RAB38: variants seen among roughly 807,000 people sequenced by gnomAD.
The protein encoded by RAB38 is ras-related protein Rab-38.
Under a neutral mutation model 18.4 loss-of-function variants are expected in RAB38, and 15 were observed. That is an observed-to-expected ratio of 0.82 (90% CI 0.55 to 1.26). The LOEUF (loss-of-function observed/expected upper bound fraction) is 1.26, where lower values mean the gene tolerates loss of function less well. Ranked by LOEUF, RAB38 falls within the 50% of genes most tolerant of loss-of-function variation. The pLI is 0.00. For synonymous variants in RAB38, 101 were observed against 104.4 expected (o/e 0.97, Z 0.20); for missense variants, 294 against 267.4 (o/e 1.10, Z -0.69).
At chr11:88,071,355 ACT>A in the RAB38 span, among the ~76,000 whole-genome samples, 2 of 152,096 alleles carry the variant, frequency 1.3e-5, no homozygotes, top group African/African-American at 2.4e-5. Flanking sequence ...GGAATGGAAA[ACT>A]CTCATATGCA....
the RAB38 span, among the ~76,000 whole-genome samples, chr11:87,942,837 A>G: frequency 6.6e-6 from 1 of 152,192 alleles, no homozygotes; most frequent in African/African-American, 2.4e-5. Flanking sequence ...TGATTCTGTC[A>G]TAATCATTCT....
At chr11:87,952,322 G>T in the RAB38 span, among the ~76,000 whole-genome samples, 1 of 152,180 alleles carries the variant, frequency 6.6e-6, no homozygotes, top group Non-Finnish European at 1.5e-5. Context: ...AATGCAGCCA[G>T]CAGTAAATTT....
intron 2 of RAB38, among the ~76,000 whole-genome samples, chr11:88,140,166 A>G (rs1490284397): frequency 6.6e-6 from 1 of 152,212 alleles, no homozygotes; most frequent in Non-Finnish European, 1.5e-5. Context: ...GCATTAAGGT[A>G]GGGGGTGCAG....
At chr11:87,953,770 T>C in the RAB38 span, among the ~76,000 whole-genome samples, 1 of 152,072 alleles carries the variant, frequency 6.6e-6, no homozygotes, top group Non-Finnish European at 1.5e-5. Flanking sequence ...TGAAAATATC[T>C]GTATTGCTTC....
chr11:88,146,234 G>C (rs1328233961), intron 2 of RAB38, among the ~76,000 whole-genome samples: 1 of 152,096 alleles, frequency 6.6e-6, no homozygotes, highest in Non-Finnish European at 1.5e-5. Flanking sequence ...GATGGAGGCT[G>C]GTTTCAATGA....
At chr11:88,141,965 T>C (rs140927625) in intron 2 of RAB38, among the ~76,000 whole-genome samples, 50 of 152,248 alleles carry the variant, frequency 3.3e-4, no homozygotes, top group Middle Eastern at 3.4e-3. Context: ...ACCTAGGAGA[T>C]AGATATATGC....
the RAB38 span, among the ~76,000 whole-genome samples, chr11:87,840,111 G>A: frequency 6.6e-6 from 1 of 152,094 alleles, no homozygotes; most frequent in Non-Finnish European, 1.5e-5. Context: ...GCTACTATTT[G>A]GTGGAAAGGA....
chr11:88,030,251 C>A, the RAB38 span, among the ~76,000 whole-genome samples: 14 of 152,300 alleles, frequency 9.2e-5, no homozygotes, highest in South Asian at 2.7e-3. Flanking sequence ...AAATTTACAG[C>A]ACTAAATGCC....
At chr11:87,835,033 G>T in the RAB38 span, among the ~76,000 whole-genome samples, 2 of 152,180 alleles carry the variant, frequency 1.3e-5, no homozygotes, top group Non-Finnish European at 2.9e-5. Context: ...TGCCATAGGA[G>T]GTAGTAAAAA....
At chr11:87,974,692 G>C in the RAB38 span, among the ~76,000 whole-genome samples, 1 of 150,642 alleles carries the variant, frequency 6.6e-6, no homozygotes, top group Non-Finnish European at 1.5e-5. Flanking sequence ...TTTTTAATCT[G>C]CTGAAAACCA....
the RAB38 span, among the ~76,000 whole-genome samples, chr11:88,016,031 A>G: frequency 6.6e-6 from 1 of 152,136 alleles, no homozygotes; most frequent in Non-Finnish European, 1.5e-5. Flanking sequence ...CAATCTCCAT[A>G]TAGAAAAAAG....
At chr11:87,886,030 T>G in the RAB38 span, among the ~76,000 whole-genome samples, 1 of 152,058 alleles carries the variant, frequency 6.6e-6, no homozygotes, top group African/African-American at 2.4e-5. Context: ...CTTCTAGCAC[T>G]CCCATTATCT....
the RAB38 span, among the ~76,000 whole-genome samples, chr11:87,860,384 T>A: frequency 6.6e-6 from 1 of 152,000 alleles, no homozygotes; most frequent in Non-Finnish European, 1.5e-5. Context: ...AAAAATTAAA[T>A]TATAACTTGT....
At chr11:87,971,199 T>G in the RAB38 span, among the ~76,000 whole-genome samples, 1 of 152,078 alleles carries the variant, frequency 6.6e-6, no homozygotes, top group Non-Finnish European at 1.5e-5. Flanking sequence ...GAGCAAAGAC[T>G]AGGCCTCAGA....
the RAB38 span, among the ~76,000 whole-genome samples, chr11:87,853,193 G>A: frequency 1.3e-5 from 2 of 152,192 alleles, no homozygotes; most frequent in Non-Finnish European, 2.9e-5. Context: ...AAGGCAGAAA[G>A]AACATGGGCC....
the RAB38 span, among the ~76,000 whole-genome samples, chr11:87,893,456 A>G: frequency 6.8e-6 from 1 of 147,204 alleles, no homozygotes; most frequent in African/African-American, 2.5e-5. Context: ...GGACCAATCA[A>G]CTATGGTCAG....
At chr11:88,010,828 T>G in the RAB38 span, among the ~76,000 whole-genome samples, 1 of 152,156 alleles carries the variant, frequency 6.6e-6, no homozygotes, top group African/African-American at 2.4e-5. Context: ...CTCAACCCTT[T>G]TACCTTCCTC....
chr11:88,017,618 G>A, the RAB38 span, among the ~76,000 whole-genome samples: 1 of 149,930 alleles, frequency 6.7e-6, no homozygotes, highest in African/African-American at 2.5e-5. Flanking sequence ...ATCTGCATTT[G>A]TTTTAAGACC....
At chr11:88,141,044 A>G (rs1161687343) in intron 2 of RAB38, among the ~76,000 whole-genome samples, 1 of 152,204 alleles carries the variant, frequency 6.6e-6, no homozygotes, top group East Asian at 1.9e-4. Flanking sequence ...GGAAAGATCC[A>G]GGCTCAAAGA....
Sources: gnomAD v4.1 joint callset for allele counts (sites outside exome capture counted in the v4.1 genomes callset) on GRCh38, gnomAD v4.1.1 for gene constraint, MANE v1.5 for transcripts, NCBI Gene and HGNC (gene_info 2026-07-23, HGNC 2026-07-21) for gene names.